The following DDX17 variants were observed in gnomAD, a reference collection of about 807,000 sequenced individuals.
The protein encoded by DDX17 is probable ATP-dependent RNA helicase DDX17.
Under a neutral mutation model 80.8 loss-of-function variants are expected in DDX17, and 10 were observed. That is an observed-to-expected ratio of 0.12 (90% CI 0.08 to 0.21). DDX17 has a LOEUF of 0.21. Among genes scored for constraint, DDX17 ranks in the 10% least tolerant of loss-of-function variants. DDX17 has a pLI of 1.00. For missense variants in DDX17, 586 were observed against 957.4 expected (o/e 0.61, Z 5.12); for synonymous variants, 339 against 336.2 (o/e 1.01, Z -0.09).
chr22:38,485,860 G>C lies in DDX17; in HGVS notation c.*75C>G. The C allele has an allele frequency of 1.4e-6, 2 of 1,465,986 alleles. No homozygotes were observed. The highest frequency in any genetic ancestry group is 1.5e-5 in the African/African-American group (1 of 68,936). 90.8% of individuals were successfully genotyped at this position (1,465,986 alleles called of 1,614,324 possible). A position where few individuals can be genotyped will look rare whatever the true frequency, so the allele number is the denominator to read the frequency against. On this transcript the variant is annotated 3_prime_UTR_variant, in exon 13 of 13. Coordinates refer to ENST00000403230, the MANE Select transcript of DDX17 (RefSeq NM_006386.5). Reference sequence around the variant, plus strand: ...AAAGGAAAAAAAAAGAAAAGGCGAAGAGGAAAAAAAAAGGAAAGACAGTGT... The same window carrying C: ...AAAGGAAAAAAAAAGAAAAGGCGAACAGGAAAAAAAAAGGAAAGACAGTGT...
intron 2 of DDX17, 123 bp from the exon 3 acceptor site, chr22:38,499,622 A>G (rs2089806475): frequency 1.4e-6 from 1 of 739,624 alleles, no homozygotes; most frequent in South Asian, 1.6e-5. Flanking sequence ...AATAGTTTAC[A>G]TGGTACTTTC....
At chr22:38,504,940 C>T (rs1569144569) in intron 1 of DDX17, among the ~76,000 whole-genome samples, 2 of 152,176 alleles carry the variant, frequency 1.3e-5, no homozygotes, top group South Asian at 4.1e-4. Context: ...GACGGAGTTT[C>T]GCTCTTGCCA....
At chr22:38,504,930 G>A (rs562340354) in intron 1 of DDX17, among the ~76,000 whole-genome samples, 13 of 152,158 alleles carry the variant, frequency 8.5e-5, no homozygotes, top group Admixed American at 8.5e-4. Context: ...GGTCGGGGGA[G>A]ACGGAGTTTC....
At chr22:38,491,892 G>C (rs2089717502) in intron 11 of DDX17, 164 bp downstream of exon 11, 2 of 465,436 alleles carry the variant, frequency 4.3e-6, no homozygotes, top group Non-Finnish European at 3.7e-6. Context: ...AATTGTGGGG[G>C]GGGCAGGGAA....
intron 11 of DDX17, chr22:38,491,732 A>T: frequency 3.9e-6 from 1 of 254,636 alleles, no homozygotes; most frequent in Non-Finnish European, 7.4e-6. Flanking sequence ...AACCACCACC[A>T]GAGAGAAGCT....
chr22:38,504,782 T>TA (rs1291472375), intron 1 of DDX17, among the ~76,000 whole-genome samples: 1 of 152,186 alleles, frequency 6.6e-6, no homozygotes, highest in South Asian at 2.1e-4. Context: ...CATTATCTCT[T>TA]AATTCCTGAC....
chr22:38,501,312 T>C (rs2089828630), intron 1 of DDX17, 32 bp from the exon 2 acceptor site: 2 of 1,594,536 alleles, frequency 1.3e-6, no homozygotes, highest in Non-Finnish European at 1.7e-6. Context: ...AGTTCATCAG[T>C]ATTTTTAAAG....
intron 2 of DDX17, 91 bp downstream of exon 2, chr22:38,501,039 T>C: frequency 6.8e-7 from 1 of 1,463,992 alleles, no homozygotes; most frequent in East Asian, 2.6e-5. Context: ...GAATAAAATG[T>C]AAAACGGCAA....
rs561654924 is a variant in DDX17 at position 38,484,245 on chromosome 22, G to T, written c.*1690C>A. On this transcript the variant is annotated 3_prime_UTR_variant, in exon 13 of 13. Coordinates refer to ENST00000403230, the MANE Select transcript of DDX17 (RefSeq NM_006386.5). Reference sequence around the variant, plus strand: ...CCCTTGGCCTCAACTTCTGTAAGATGGGGGGGGGACAAAAAGAGAAGTAAA... The same window carrying T: ...CCCTTGGCCTCAACTTCTGTAAGATTGGGGGGGGACAAAAAGAGAAGTAAA... The T allele has an allele frequency of 2.0e-5, 1 of 50,006 alleles. No homozygotes were observed. Among genetic ancestry groups the T allele is most frequent in the African/African-American group, 8.0e-5 (1 of 12,504 alleles). The allele number at this position is 50,006 out of a possible 1,614,324, so 3.1% of individuals were successfully genotyped here.
chr22:38,499,445 C>T lies in DDX17; in HGVS notation c.493G>A (p.Val165Ile), dbSNP rs1260113937. 3 of 1,614,104 alleles carry T rather than the reference C, an allele frequency of 1.9e-6. No individual in the cohort carries two copies. The highest frequency in any genetic ancestry group is 2.2e-5 in the East Asian group (1 of 44,876). The change falls in exon 3 of 13, where the codon GTT becomes ATT. Residue 165 changes from valine (V) to isoleucine (I), a missense_variant. Coordinates refer to ENST00000403230, the MANE Select transcript of DDX17 (RefSeq NM_006386.5). ...AAGGCAAACACGGGTTTAGGACAAACATCTCCCCCCCTCACTGTAATCTCC... is the reference window on the plus strand; with the variant it reads ...AAGGCAAACACGGGTTTAGGACAAATATCTCCCCCCCTCACTGTAATCTCC...
chr22:38,483,719 G>C lies in DDX17; in HGVS notation c.*2216C>G, dbSNP rs2089625012. On this transcript the variant is annotated 3_prime_UTR_variant, in exon 13 of 13. Coordinates refer to ENST00000403230, the MANE Select transcript of DDX17 (RefSeq NM_006386.5). ...GAGGATTGGGGAGAAGCAGCCCATT[G>C]CTTAATACATTGGAACCCTTTCCCT... 1 of 152,370 alleles carries C rather than the reference G, an allele frequency of 6.6e-6. No homozygotes were observed. Among genetic ancestry groups the C allele is most frequent in the Non-Finnish European group, 1.5e-5 (1 of 68,038 alleles). 9.4% of individuals were successfully genotyped at this position (152,370 alleles called of 1,614,324 possible). A position where few individuals can be genotyped will look rare whatever the true frequency, so the allele number is the denominator to read the frequency against.
chr22:38,504,881 T>C (rs1357166311), intron 1 of DDX17, among the ~76,000 whole-genome samples: 2 of 151,432 alleles, frequency 1.3e-5, no homozygotes, highest in African/African-American at 2.4e-5. Context: ...CACACACACA[T>C]ATCAAGTGGC....
chr22:38,499,126 A>G (rs1289445488), intron 3 of DDX17, among the ~76,000 whole-genome samples: 2 of 152,254 alleles, frequency 1.3e-5, no homozygotes, highest in Non-Finnish European at 2.9e-5. Context: ...TTTATTGTTT[A>G]GCAAATTCAC....
intron 1 of DDX17, among the ~76,000 whole-genome samples, chr22:38,503,881 C>G (rs568744458): frequency 6.6e-6 from 1 of 152,318 alleles, no homozygotes; most frequent in Admixed American, 6.5e-5. Flanking sequence ...TTCAAATAAT[C>G]AAGAACATTT....
chr22:38,488,925 T>C (rs897897846), intron 11 of DDX17: 1 of 985,268 alleles, frequency 1.0e-6, no homozygotes, highest in Admixed American at 6.2e-5. Flanking sequence ...GAAATTAAAT[T>C]AATAGCCAAA....
intron 5 of DDX17, among the ~76,000 whole-genome samples, chr22:38,497,780 CAAAACAAA>C (rs1177479374): frequency 2.6e-5 from 4 of 151,622 alleles, no homozygotes; most frequent in Non-Finnish European, 5.9e-5. Flanking sequence ...CACAAAAAAT[CAAAACAAA>C]AAAACAAAAA....
At chr22:38,488,365 C>G (rs1351846580) in intron 11 of DDX17, 1 of 1,363,076 alleles carries the variant, frequency 7.3e-7, no homozygotes, top group East Asian at 2.9e-5. Context: ...GGAATCCCAT[C>G]CAAACATCCA....
In DDX17 at chr22:38,494,036, C is replaced by G; in HGVS notation, c.1310G>C (p.Arg437Thr). 1 of 1,613,684 alleles carries G rather than the reference C, an allele frequency of 6.2e-7. No homozygotes were observed. The highest frequency in any genetic ancestry group is 8.5e-7 in the Non-Finnish European group (1 of 1,179,702). Reference sequence around the variant, plus strand: ...CTATACTCACCCATCTCTGCGCATCCTTCGAGTCAGATCATCACAGCGTCT... The same window carrying G: ...CTATACTCACCCATCTCTGCGCATCGTTCGAGTCAGATCATCACAGCGTCT... Residue 437 changes from arginine to threonine, a missense_variant, in exon 9 of 13, where the codon AGG becomes ACG. By Grantham distance (71) the Arg-to-Thr change is moderately conservative. Around this residue, in one of 4 missense-constraint regions of DDX17, gnomAD observed 141 missense variants for 379.3 expected, o/e 0.37. Coordinates refer to ENST00000403230, the MANE Select transcript of DDX17 (RefSeq NM_006386.5).
intron 6 of DDX17, 138 bp downstream of exon 6, chr22:38,495,658 T>A: frequency 1.5e-6 from 1 of 651,726 alleles, no homozygotes; most frequent in Non-Finnish European, 2.4e-6. Flanking sequence ...AAAATAGCTG[T>A]TTTAGTCACA....
Sources: gnomAD v4.1 joint callset for allele counts (sites outside exome capture counted in the v4.1 genomes callset) on GRCh38, gnomAD v4.1.1 for gene constraint, gnomAD v4.1.1 regional missense constraint, MANE v1.5 for transcripts, NCBI Gene and HGNC (gene_info 2026-07-23, HGNC 2026-07-21) for gene names.